The following MAP7D2 variants were observed in gnomAD, a reference collection of about 807,000 sequenced individuals.
MAP7D2 encodes the protein MAP7 domain-containing protein 2.
In MAP7D2, 33 loss-of-function variants were observed where a neutral mutation model predicts 63.5. The ratio of observed to expected loss-of-function variants is 0.52; its 90% CI spans 0.39 to 0.70. The LOEUF (loss-of-function observed/expected upper bound fraction) is 0.70, where lower values mean the gene tolerates loss of function less well. Ranked by LOEUF, MAP7D2 falls within the 30% of genes least tolerant of loss-of-function variation. The probability of loss-of-function intolerance (pLI) is 0.00; values close to 1 mark genes in which losing one functional copy is unlikely to be tolerated. For synonymous variants in MAP7D2, 224 were observed against 223.7 expected, an observed-to-expected ratio of 1.00 and a Z score of -0.01; for missense variants, 626 against 604.0, an observed-to-expected ratio of 1.04 and a Z score of -0.38.
intron 4 of MAP7D2, chrX:20,055,754 GC>G: frequency 1.0e-6 from 1 of 999,304 alleles, no homozygotes; most frequent in Non-Finnish European, 1.3e-6. Context: ...CTCGGCAGCT[GC>G]GGCAGTGGTC....
At chrX:20,072,321 TCTTTA>T (rs949477510) in intron 1 of MAP7D2, among the ~76,000 whole-genome samples, 4 of 111,022 alleles carry the variant, frequency 3.6e-5, no homozygotes, top group African/African-American at 1.3e-4. Context: ...ACCTTTTTCC[TCTTTA>T]CTTCACATTC....
intron 1 of MAP7D2, among the ~76,000 whole-genome samples, chrX:20,096,789 T>C (rs1300477822): frequency 8.9e-6 from 1 of 112,308 alleles, no homozygotes; most frequent in African/African-American, 3.2e-5. Context: ...ATGTATATTC[T>C]ACCACAATAA....
intron 3 of MAP7D2, among the ~76,000 whole-genome samples, chrX:20,061,351 C>T (rs1206977554): frequency 9.0e-6 from 1 of 111,443 alleles, no homozygotes; most frequent in East Asian, 2.8e-4. Flanking sequence ...AGAGCACCGA[C>T]CCAATGTAGC....
intron 2 of MAP7D2, among the ~76,000 whole-genome samples, chrX:20,064,184 G>A (rs1480788219): frequency 8.9e-6 from 1 of 111,839 alleles, no homozygotes; most frequent in African/African-American, 3.3e-5. Context: ...AAGAAGAGAA[G>A]AACCTGAAAG....
intron 1 of MAP7D2, among the ~76,000 whole-genome samples, chrX:20,104,286 C>T (rs2066508955): frequency 8.9e-6 from 1 of 112,280 alleles, no homozygotes; most frequent in African/African-American, 3.2e-5. Context: ...AATTAAAATG[C>T]ATAATTTTTA....
chrX:20,018,918 T>A (rs774105571), intron 10 of MAP7D2, among the ~76,000 whole-genome samples: 1 of 111,812 alleles, frequency 8.9e-6, no homozygotes, highest in South Asian at 3.7e-4. Flanking sequence ...AGACAGCACA[T>A]TAGATTTCAT....
chrX:20,019,763 GCTGTGCAGTCTA>G (rs2073568130), intron 10 of MAP7D2, among the ~76,000 whole-genome samples: 1 of 111,710 alleles, frequency 9.0e-6, no homozygotes, highest in Non-Finnish European at 1.9e-5. Flanking sequence ...CCTGGTTAGC[GCTGTGCAGTCTA>G]CTTGCGTCTG....
At chrX:20,077,546 C>A (rs1209341831) in intron 1 of MAP7D2, among the ~76,000 whole-genome samples, 1 of 112,270 alleles carries the variant, frequency 8.9e-6, no homozygotes, top group Non-Finnish European at 1.9e-5. Context: ...AAGAGTAGAA[C>A]CTATCATAGA....
At chrX:20,044,263 G>GCACAGC in intron 7 of MAP7D2, 101 bp downstream of exon 7, 1 of 860,696 alleles carries the variant, frequency 1.2e-6, no homozygotes, top group Non-Finnish European at 1.7e-6. Flanking sequence ...AGTCCCAGGA[G>GCACAGC]ATTGATGGAA....
intron 1 of MAP7D2, among the ~76,000 whole-genome samples, chrX:20,101,121 T>C (rs891813873): frequency 8.9e-6 from 1 of 112,071 alleles, no homozygotes; most frequent in Non-Finnish European, 1.9e-5. Flanking sequence ...GACACCTTGA[T>C]TTTAAGACTT....
At chrX:20,042,451 C>A in intron 8 of MAP7D2, 51 bp downstream of exon 8, 1 of 1,197,187 alleles carries the variant, frequency 8.4e-7, no homozygotes, top group South Asian at 1.8e-5. Flanking sequence ...AAAGCCCTAG[C>A]AAACTGACTC....
intron 1 of MAP7D2, among the ~76,000 whole-genome samples, chrX:20,104,224 T>C (rs2066507885): frequency 1.8e-5 from 2 of 112,202 alleles, no homozygotes; most frequent in East Asian, 2.8e-4. Flanking sequence ...TTTAGGTGGG[T>C]GAGGAGAGGA....
chrX:20,096,573 T>A (rs1039715512), intron 1 of MAP7D2, among the ~76,000 whole-genome samples: 2 of 110,485 alleles, frequency 1.8e-5, no homozygotes, highest in African/African-American at 6.6e-5. Context: ...TTATATGAGG[T>A]ACCTAGAATA....
intron 16 of MAP7D2, among the ~76,000 whole-genome samples, chrX:20,009,690 A>G (rs890539819): frequency 6.9e-5 from 7 of 101,777 alleles, no homozygotes; most frequent in Non-Finnish European, 1.4e-4. Context: ...AAAAAAAAAG[A>G]ATCTAAAATG....
rs2073916498 is a variant in MAP7D2, at chrX:20,027,772, G to A, written c.1008-1820C>T. 3.8e-5 allele frequency among the ~76,000 whole-genome samples: 4 copies of A among 105,849 alleles called. No individual in the cohort carries two copies. The South Asian group carries it at 1.3e-3, about 34-fold the overall frequency. 91.9% of individuals were successfully genotyped at this position (105,849 alleles called of 115,157 possible). A position where few individuals can be genotyped will look rare whatever the true frequency, so the allele number is the denominator to read the frequency against. ...GAAGGCGGGGGGAGAGAGAGAGAGA[G>A]AGAGAGAGAGAGAGAGAGACAGAGA... On this transcript the variant is annotated intron_variant, in intron 8 of 16. Coordinates refer to ENST00000379643, the MANE Select transcript of MAP7D2 (RefSeq NM_001168465.2).
At chrX:20,070,135 G>C (rs1253805069) in intron 1 of MAP7D2, among the ~76,000 whole-genome samples, 2 of 110,957 alleles carry the variant, frequency 1.8e-5, no homozygotes, top group Middle Eastern at 4.6e-3. Context: ...TTTTAGTAGA[G>C]ACGGGGTTTC....
intron 8 of MAP7D2, among the ~76,000 whole-genome samples, chrX:20,034,263 T>G (rs2074144991): frequency 2.2e-5 from 2 of 90,745 alleles, no homozygotes; most frequent in African/African-American, 8.3e-5. Context: ...CAGAATGATA[T>G]AACTGGCCAG....
chrX:20,082,702 C>T (rs967201572), intron 1 of MAP7D2, among the ~76,000 whole-genome samples: 3 of 112,183 alleles, frequency 2.7e-5, no homozygotes, highest in Admixed American at 1.9e-4. Flanking sequence ...GATCTCGGCT[C>T]ACTGCAACCT....
chrX:20,036,903 CAAAAAAA>C (rs59036515), intron 8 of MAP7D2, among the ~76,000 whole-genome samples: 3 of 29,739 alleles, frequency 1.0e-4, no homozygotes, highest in African/African-American at 2.2e-4. Flanking sequence ...GACTCCATCT[CAAAAAAA>C]AAAAAAAAAA....
Sources: gnomAD v4.1 joint callset for allele counts (sites outside exome capture counted in the v4.1 genomes callset) on GRCh38, gnomAD v4.1.1 for gene constraint, MANE v1.5 for transcripts, NCBI Gene and HGNC (gene_info 2026-07-23, HGNC 2026-07-21) for gene names.